The following RUNX2 variants were observed in gnomAD, a reference collection of about 807,000 sequenced individuals.
The protein encoded by RUNX2 is runt-related transcription factor 2.
Under a neutral mutation model 51.7 loss-of-function variants are expected in RUNX2, and 10 were observed. The ratio of observed to expected loss-of-function variants is 0.19; its 90% confidence interval spans 0.12 to 0.33. The LOEUF is 0.33. Ranked by LOEUF, RUNX2 falls within the 10% of genes least tolerant of loss-of-function variation. The probability of loss-of-function intolerance (pLI) is 1.00; values close to 1 mark genes in which losing one functional copy is unlikely to be tolerated. For missense variants in RUNX2, 562 were observed against 691.3 expected (o/e 0.81, Z 2.10); for synonymous variants, 276 against 273.6 (o/e 1.01, Z -0.09).
intron 6 of RUNX2, among the ~76,000 whole-genome samples, chr6:45,496,641 G>C (rs1012695657): frequency 3.3e-5 from 5 of 152,172 alleles, no homozygotes; most frequent in African/African-American, 9.7e-5. Context: ...AGATTATGGG[G>C]AGTCTTGGGG....
intron 2 of RUNX2, among the ~76,000 whole-genome samples, chr6:45,400,205 AGGAG>A (rs1239923173): frequency 6.8e-5 from 10 of 146,884 alleles, no homozygotes; most frequent in Non-Finnish European, 1.1e-4. Context: ...GAAGGAAGGA[AGGAG>A]GGAATGAGGG....
chr6:45,488,653 C>T (rs1045481928), intron 5 of RUNX2, among the ~76,000 whole-genome samples: 8 of 152,122 alleles, frequency 5.3e-5, no homozygotes, highest in African/African-American at 1.7e-4. Context: ...GGGGCCTGGA[C>T]ATCCATGTTT....
At chr6:45,433,661 A>G (rs1005358132) in intron 4 of RUNX2, among the ~76,000 whole-genome samples, 1 of 152,220 alleles carries the variant, frequency 6.6e-6, no homozygotes, top group Non-Finnish European at 1.5e-5. Context: ...GCAAAGTGAT[A>G]GTGTACTTTG....
chr6:45,463,763 A>T (rs1209577051), intron 5 of RUNX2, among the ~76,000 whole-genome samples: 2 of 152,070 alleles, frequency 1.3e-5, no homozygotes, highest in Admixed American at 6.5e-5. Context: ...ACAGTGAGGG[A>T]TTTGCATCCA....
chr6:45,474,996 T>C (rs979056962), intron 5 of RUNX2, among the ~76,000 whole-genome samples: 5 of 151,828 alleles, frequency 3.3e-5, no homozygotes, highest in Non-Finnish European at 5.9e-5. Context: ...TGGTGGCACG[T>C]GCCTGTAATC....
chr6:45,354,365 C>A (rs982684452), intron 2 of RUNX2, among the ~76,000 whole-genome samples: 1 of 152,082 alleles, frequency 6.6e-6, no homozygotes, highest in Non-Finnish European at 1.5e-5. Flanking sequence ...CAAAAAAGCA[C>A]AGTAATGACT....
At position 45,409,007 on chromosome 6, in the gene RUNX2, A is replaced by C. The variant is rs536811750; in HGVS notation, c.59-13586A>C. 5.9e-5 allele frequency among the ~76,000 whole-genome samples: 9 copies of C among 152,338 alleles called. No individual in the cohort carries two copies. The South Asian group carries it at 1.9e-3, about 32-fold the overall frequency. On this transcript the variant is annotated intron_variant, in intron 2 of 8. Transcript: ENST00000647337. Reference sequence around the variant, plus strand: ...GCTCTTGGTCCTACTATTCCTCCCAACTGAAATTAAGCACACATATGCTCA... The same window carrying C: ...GCTCTTGGTCCTACTATTCCTCCCACCTGAAATTAAGCACACATATGCTCA...
chr6:45,446,059 C>T (rs1040532122), intron 5 of RUNX2, among the ~76,000 whole-genome samples: 3 of 152,130 alleles, frequency 2.0e-5, no homozygotes, highest in South Asian at 2.1e-4. Context: ...TTCCTTCGCT[C>T]GCAGACTGCA....
At chr6:45,402,324 G>A (rs774520020) in intron 2 of RUNX2, among the ~76,000 whole-genome samples, 2 of 152,124 alleles carry the variant, frequency 1.3e-5, no homozygotes, top group African/African-American at 2.4e-5. Context: ...ACCATAAGTA[G>A]CATTATGAAA....
At chr6:45,545,124 T>A in intron 7 of RUNX2, 93 bp from the exon 8 acceptor site, 1 of 1,049,228 alleles carries the variant, frequency 9.5e-7, no homozygotes, top group South Asian at 1.3e-5. Flanking sequence ...ACCCCTCCCC[T>A]AAGGCTGTTG....
intron 2 of RUNX2, among the ~76,000 whole-genome samples, chr6:45,340,714 C>CAT: frequency 6.6e-6 from 1 of 152,136 alleles, no homozygotes; most frequent in East Asian, 1.9e-4. Context: ...CCACAATACA[C>CAT]ATATATACTC....
chr6:45,376,748 A>C, intron 2 of RUNX2, among the ~76,000 whole-genome samples: 1 of 152,164 alleles, frequency 6.6e-6, no homozygotes, highest in East Asian at 1.9e-4. Context: ...GAAATTCCCC[A>C]AGTTTTGTCC....
chr6:45,526,870 C>A (rs1378265836), intron 7 of RUNX2, among the ~76,000 whole-genome samples: 2 of 152,106 alleles, frequency 1.3e-5, no homozygotes, highest in African/African-American at 4.8e-5. Flanking sequence ...AATAATAATA[C>A]CTGCTTTAAT....
chr6:45,395,723 A>G (rs1271877672), intron 2 of RUNX2, among the ~76,000 whole-genome samples: 1 of 152,162 alleles, frequency 6.6e-6, no homozygotes, highest in Non-Finnish European at 1.5e-5. Flanking sequence ...GTGAAGTGGC[A>G]CCATCTTGAT....
chr6:45,429,119 A>G (rs998489099), intron 3 of RUNX2, among the ~76,000 whole-genome samples: 1 of 152,172 alleles, frequency 6.6e-6, no homozygotes, highest in Admixed American at 6.5e-5. Flanking sequence ...AGACTTTCCA[A>G]TTCATATTGG....
chr6:45,403,939 G>A (rs899981992), intron 2 of RUNX2, among the ~76,000 whole-genome samples: 1 of 152,142 alleles, frequency 6.6e-6, no homozygotes, highest in Non-Finnish European at 1.5e-5. Flanking sequence ...CTGATCTGGG[G>A]AAACTCACTG....
chr6:45,392,355 T>C (rs570574348), intron 2 of RUNX2, among the ~76,000 whole-genome samples: 96 of 151,926 alleles, frequency 6.3e-4, no homozygotes, highest in South Asian at 2.9e-3. Flanking sequence ...AAAAAATATA[T>C]AAAAACTAGC....
At chr6:45,504,647 T>A (rs187400484) in intron 6 of RUNX2, among the ~76,000 whole-genome samples, 42 of 152,256 alleles carry the variant, frequency 2.8e-4, no homozygotes, top group African/African-American at 9.6e-4. Context: ...TGGGAATCTC[T>A]GTATGTATGA....
chr6:45,474,694 G>A (rs1433341919), intron 5 of RUNX2, among the ~76,000 whole-genome samples: 1 of 152,184 alleles, frequency 6.6e-6, no homozygotes. Context: ...TTATCCTAGA[G>A]GAAGAAGGCA....
Sources: gnomAD v4.1 joint callset for allele counts (sites outside exome capture counted in the v4.1 genomes callset) on GRCh38, gnomAD v4.1.1 for gene constraint, MANE v1.5 for transcripts, NCBI Gene and HGNC (gene_info 2026-07-23, HGNC 2026-07-21) for gene names.